The following ADARB2 variants were observed in gnomAD, a reference collection of about 807,000 sequenced individuals.
The protein encoded by ADARB2 is adenosine deaminase RNA specific B2 (inactive).
ADARB2 carries 25 observed loss-of-function variants against 62.2 expected under a neutral mutation model. The observed-to-expected ratio is 0.40, with a 90% CI of 0.29 to 0.56. The LOEUF (loss-of-function observed/expected upper bound fraction) is 0.56. ADARB2 is among the 20% of genes least tolerant of loss of function. The pLI is 0.43. For missense variants in ADARB2, 1,071 were observed against 1,077.4 expected (o/e 0.99, Z 0.08); for synonymous variants, 572 against 500.8 (o/e 1.14, Z -1.90).
intron 3 of ADARB2, among the ~76,000 whole-genome samples, chr10:1,314,503 C>T (rs561570987): frequency 6.6e-5 from 10 of 152,326 alleles, no homozygotes; most frequent in African/African-American, 9.6e-5. Context: ...GGCCCTTCCA[C>T]GGCCAGTGCC....
At chr10:1,403,551 C>T (rs1832682725) in intron 1 of ADARB2, among the ~76,000 whole-genome samples, 2 of 152,196 alleles carry the variant, frequency 1.3e-5, no homozygotes, top group Non-Finnish European at 2.9e-5. Flanking sequence ...TAGGCAGCAG[C>T]TCTGGGTGAG....
At chr10:1,455,673 C>T (rs2131904602) in intron 1 of ADARB2, among the ~76,000 whole-genome samples, 1 of 152,180 alleles carries the variant, frequency 6.6e-6, no homozygotes, top group East Asian at 1.9e-4. Context: ...ATTCTTACTA[C>T]TACTATATTT....
chr10:1,711,068 G>T (rs568894502), intron 1 of ADARB2, among the ~76,000 whole-genome samples: 1 of 152,042 alleles, frequency 6.6e-6, no homozygotes, highest in African/African-American at 2.4e-5. Context: ...GGCCCACCCC[G>T]AGCTTGCCAG....
chr10:1,344,909 T>A (rs1832064594), intron 3 of ADARB2, among the ~76,000 whole-genome samples: 1 of 152,176 alleles, frequency 6.6e-6, no homozygotes, highest in African/African-American at 2.4e-5. Context: ...GCCTTCATTG[T>A]GTTTCCGAGC....
At chr10:1,380,353 G>A (rs932985642) in intron 1 of ADARB2, among the ~76,000 whole-genome samples, 4 of 152,252 alleles carry the variant, frequency 2.6e-5, no homozygotes, top group Admixed American at 1.3e-4. Flanking sequence ...TCTTCCCTCT[G>A]TTTTGGAAGC....
chr10:1,618,809 A>C (rs1833674282), intron 1 of ADARB2, among the ~76,000 whole-genome samples: 1 of 152,226 alleles, frequency 6.6e-6, no homozygotes, highest in African/African-American at 2.4e-5. Flanking sequence ...TGGCAGGCTC[A>C]ACAACAAAAA....
chr10:1,205,222 C>T (rs972187528), intron 7 of ADARB2, among the ~76,000 whole-genome samples: 6 of 152,208 alleles, frequency 3.9e-5, no homozygotes, highest in Admixed American at 6.5e-5. Context: ...AGCCAACCCC[C>T]GAGCTCAAAG....
intron 1 of ADARB2, among the ~76,000 whole-genome samples, chr10:1,708,160 C>T (rs971977852): frequency 2.0e-5 from 3 of 152,148 alleles, no homozygotes; most frequent in African/African-American, 7.2e-5. Context: ...GTTCCAGTTT[C>T]TCCATAGCAG....
chr10:1,456,070 T>C (rs1831091900), intron 1 of ADARB2, among the ~76,000 whole-genome samples: 1 of 152,224 alleles, frequency 6.6e-6, no homozygotes, highest in Non-Finnish European at 1.5e-5. Context: ...TCCAGGCACA[T>C]TAACTAAGCT....
intron 5 of ADARB2, among the ~76,000 whole-genome samples, chr10:1,236,258 T>TG (rs1589161286): frequency 6.5e-5 from 1 of 15,304 alleles, no homozygotes; most frequent in Non-Finnish European, 1.2e-4. Context: ...TACTCCCCTC[T>TG]CCCTCCCGGT....
rs557067018 is a variant in ADARB2 at position 1,452,193 on chromosome 10, G to A, written c.101-73033C>T. Reference sequence around the variant, plus strand: ...TCCGAGACAGCAGCTTTCCAGCTGCGGGAATTCAGTGGCATGATGACAGCA... The same window carrying A: ...TCCGAGACAGCAGCTTTCCAGCTGCAGGAATTCAGTGGCATGATGACAGCA... On this transcript the variant is annotated intron_variant, in intron 1 of 9. Coordinates refer to ENST00000381312, the MANE Select transcript of ADARB2 (RefSeq NM_018702.4). Among the ~76,000 whole-genome samples, 6 of 152,250 alleles carry A rather than the reference G, an allele frequency of 3.9e-5. No individual in the cohort carries two copies. In the South Asian group the frequency reaches 6.2e-4, roughly 16 times the overall value.
chr10:1,350,654 C>T (rs1832127435), intron 3 of ADARB2, among the ~76,000 whole-genome samples: 1 of 152,198 alleles, frequency 6.6e-6, no homozygotes, highest in Non-Finnish European at 1.5e-5. Context: ...ATATAAAAAT[C>T]CAGCCCAGTT....
At chr10:1,437,151 C>T (rs1340041913) in intron 1 of ADARB2, among the ~76,000 whole-genome samples, 1 of 152,018 alleles carries the variant, frequency 6.6e-6, no homozygotes, top group African/African-American at 2.4e-5. Context: ...TTAGAAATTA[C>T]TTTGTAAAAG....
chr10:1,517,444 G>A (rs1199070697), intron 1 of ADARB2, among the ~76,000 whole-genome samples: 1 of 152,300 alleles, frequency 6.6e-6, no homozygotes, highest in South Asian at 2.1e-4. Context: ...TAGGTAGTAA[G>A]CCTAGAATTC....
chr10:1,242,371 G>A (rs1830934453), intron 4 of ADARB2, 72 bp from the exon 5 acceptor site: 6 of 1,466,254 alleles, frequency 4.1e-6, no homozygotes, highest in South Asian at 2.6e-5. Context: ...TCTTTTCAGG[G>A]TCTCACAACA....
intron 1 of ADARB2, among the ~76,000 whole-genome samples, chr10:1,404,595 T>C (rs981541759): frequency 5.9e-5 from 9 of 152,218 alleles, no homozygotes; most frequent in Admixed American, 1.3e-4. Context: ...AGTGACCACT[T>C]GTGTCAGGCA....
At chr10:1,335,979 T>C (rs1831971914) in intron 3 of ADARB2, among the ~76,000 whole-genome samples, 1 of 152,254 alleles carries the variant, frequency 6.6e-6, no homozygotes, top group Admixed American at 6.5e-5. Context: ...ATAGCATGTT[T>C]TCATATTTCT....
intron 1 of ADARB2, among the ~76,000 whole-genome samples, chr10:1,717,155 GC>G (rs1352841790): frequency 1.7e-3 from 90 of 53,938 alleles, no homozygotes; most frequent in African/African-American, 2.1e-3. Flanking sequence ...TTTGTAGTGT[GC>G]TTTTTTTTTT....
chr10:1,578,657 C>T (rs944482290), intron 1 of ADARB2, among the ~76,000 whole-genome samples: 1 of 41,766 alleles, frequency 2.4e-5, no homozygotes, highest in African/African-American at 9.0e-5. Context: ...TACCATGTTA[C>T]CCCAAACACA....
Sources: gnomAD v4.1 joint callset for allele counts (sites outside exome capture counted in the v4.1 genomes callset) on GRCh38, gnomAD v4.1.1 for gene constraint, MANE v1.5 for transcripts, NCBI Gene and HGNC (gene_info 2026-07-23, HGNC 2026-07-21) for gene names.